The following RBFOX1 variants were observed in gnomAD, a reference collection of about 807,000 sequenced individuals.
RBFOX1 encodes RNA binding fox-1 homolog 1.
A neutral mutation model predicts 57.7 loss-of-function variants in RBFOX1; 8 were observed. That is an observed-to-expected ratio of 0.14 (90% CI 0.08 to 0.25). The LOEUF (loss-of-function observed/expected upper bound fraction) is 0.25. Among genes scored for constraint, RBFOX1 ranks in the 10% least tolerant of loss-of-function variants. The pLI is 1.00. For synonymous variants in RBFOX1, 326 were observed against 222.4 expected (o/e 1.47, Z -4.15); for missense variants, 611 against 548.5 (o/e 1.11, Z -1.14).
intron 4 of RBFOX1, among the ~76,000 whole-genome samples, chr16:7,417,743 A>G (rs62015703): frequency 0.34 from 51,587 of 151,900 alleles, 10,729 homozygotes; most frequent in South Asian, 0.46. Flanking sequence ...TTGTCATTTC[A>G]AGAATGCTAT....
chr16:5,699,428 T>G (rs547382698), intron 3 of RBFOX1, among the ~76,000 whole-genome samples: 2 of 152,084 alleles, frequency 1.3e-5, no homozygotes, highest in East Asian at 3.9e-4. Flanking sequence ...TTCTTCTATG[T>G]TCTACACTGG....
At chr16:6,600,029 G>C (rs775541604) in intron 2 of RBFOX1, among the ~76,000 whole-genome samples, 3 of 152,144 alleles carry the variant, frequency 2.0e-5, no homozygotes, top group Non-Finnish European at 2.9e-5. Flanking sequence ...AACTGCAAAG[G>C]GCATCTGGGT....
chr16:7,075,146 C>G (rs1162521479), intron 4 of RBFOX1, among the ~76,000 whole-genome samples: 1 of 152,212 alleles, frequency 6.6e-6, no homozygotes, highest in African/African-American at 2.4e-5. Context: ...GTTGATCTTA[C>G]TACAGACAAG....
intron 4 of RBFOX1, among the ~76,000 whole-genome samples, chr16:7,129,975 A>G (rs1600401737): frequency 6.6e-6 from 1 of 151,338 alleles, no homozygotes; most frequent in East Asian, 1.9e-4. Context: ...ACCAAATAGG[A>G]TATATACTCC....
chr16:5,519,234 C>G (rs555929434), intron 2 of RBFOX1, among the ~76,000 whole-genome samples: 1 of 152,162 alleles, frequency 6.6e-6, no homozygotes, highest in Non-Finnish European at 1.5e-5. Flanking sequence ...GTGAAATTGG[C>G]AAGTTTTGAG....
chr16:6,995,290 T>TTGTGTGTG (rs57039390), intron 3 of RBFOX1, among the ~76,000 whole-genome samples: 5,706 of 138,306 alleles, frequency 0.041, 147 homozygotes, highest in South Asian at 0.064. Flanking sequence ...GAAAGTAGCC[T>TTGTGTGTG]TGTGTGTGTG....
At chr16:6,299,717 G>T (rs1023172330) in intron 1 of RBFOX1, among the ~76,000 whole-genome samples, 2 of 152,152 alleles carry the variant, frequency 1.3e-5, no homozygotes, top group African/African-American at 4.8e-5. Context: ...GTTATTTGCA[G>T]TGGCCAAAAG....
At chr16:5,940,299 G>C (rs969681807) in intron 4 of RBFOX1, among the ~76,000 whole-genome samples, 1 of 152,198 alleles carries the variant, frequency 6.6e-6, no homozygotes, top group East Asian at 1.9e-4. Context: ...ATTTGAACTA[G>C]ATGGTCCCTA....
chr16:6,476,855 C>T (rs1458331339), intron 2 of RBFOX1, among the ~76,000 whole-genome samples: 4 of 152,224 alleles, frequency 2.6e-5, no homozygotes, highest in Non-Finnish European at 5.9e-5. Context: ...AACTTTGCTA[C>T]TGCTTAATCA....
intron 3 of RBFOX1, among the ~76,000 whole-genome samples, chr16:6,925,061 C>A (rs1233322502): frequency 7.1e-6 from 1 of 140,392 alleles, no homozygotes; most frequent in African/African-American, 2.7e-5. Context: ...TGTATATGTG[C>A]CACATTTTCT....
At chr16:6,566,839 CTG>C (rs2097273563) in intron 2 of RBFOX1, among the ~76,000 whole-genome samples, 1 of 152,156 alleles carries the variant, frequency 6.6e-6, no homozygotes, top group Non-Finnish European at 1.5e-5. Context: ...AGTCGAGACA[CTG>C]TTTGATATTG....
intron 1 of RBFOX1, among the ~76,000 whole-genome samples, chr16:5,280,126 T>A (rs997170707): frequency 2.6e-5 from 4 of 152,222 alleles, no homozygotes; most frequent in African/African-American, 9.6e-5. Flanking sequence ...CCTAATTTGT[T>A]GAGAGTTTTC....
chr16:5,467,705 T>A (rs1173886450), intron 2 of RBFOX1, among the ~76,000 whole-genome samples: 4 of 152,214 alleles, frequency 2.6e-5, no homozygotes, highest in African/African-American at 4.8e-5. Context: ...ATGCATTTTT[T>A]AAAATCGATT....
intron 3 of RBFOX1, among the ~76,000 whole-genome samples, chr16:6,698,876 T>A (rs368455241): frequency 6.6e-6 from 1 of 152,176 alleles, no homozygotes; most frequent in Non-Finnish European, 1.5e-5. Context: ...GGAGGGTTTT[T>A]GGATTCTTTG....
At chr16:5,858,137 G>A (rs1009406916) in intron 3 of RBFOX1, among the ~76,000 whole-genome samples, 1 of 152,032 alleles carries the variant, frequency 6.6e-6, no homozygotes, top group Admixed American at 6.6e-5. Context: ...CCTCTTAGGA[G>A]CTTTTCCTAA....
intron 4 of RBFOX1, among the ~76,000 whole-genome samples, chr16:7,352,431 G>A (rs1603626974): frequency 6.6e-6 from 1 of 152,292 alleles, no homozygotes; most frequent in Non-Finnish European, 1.5e-5. Flanking sequence ...GGAATGCGTA[G>A]CTATTGCCTT....
At chr16:6,329,357 C>G (rs773815262) in intron 2 of RBFOX1, among the ~76,000 whole-genome samples, 2 of 152,148 alleles carry the variant, frequency 1.3e-5, no homozygotes, top group African/African-American at 4.8e-5. Flanking sequence ...AAAACTGGAA[C>G]TGGAAGAGGA....
At chr16:5,812,726 T>A (rs2055479264) in intron 3 of RBFOX1, among the ~76,000 whole-genome samples, 1 of 152,166 alleles carries the variant, frequency 6.6e-6, no homozygotes, top group African/African-American at 2.4e-5. Context: ...CCTTCCAAAG[T>A]GCTGGAATTA....
chr16:5,396,468 C>G (rs1018195975), intron 1 of RBFOX1, among the ~76,000 whole-genome samples: 7 of 152,046 alleles, frequency 4.6e-5, no homozygotes, highest in African/African-American at 1.2e-4. Flanking sequence ...TGGCAAAACC[C>G]CATCTCTACT....
Sources: allele counts gnomAD v4.1 joint callset (sites outside exome capture counted in the v4.1 genomes callset), GRCh38; gene constraint gnomAD v4.1.1; transcripts MANE v1.5; gene names NCBI Gene and HGNC (gene_info 2026-07-23, HGNC 2026-07-21).